Variants in TDRD10 observed in about 807,000 individuals in gnomAD.
The protein encoded by TDRD10 is tudor domain-containing protein 10.
A neutral mutation model predicts 48.0 loss-of-function variants in TDRD10; 40 were observed. The observed-to-expected ratio is 0.83, with a 90% CI of 0.65 to 1.09. TDRD10 has a LOEUF of 1.09. TDRD10 is among the 50% of genes least tolerant of loss of function. The pLI is 0.00. For missense variants in TDRD10, 378 were observed against 434.7 expected, an observed-to-expected ratio of 0.87 and a Z score of 1.16; for synonymous variants, 162 against 170.4, an observed-to-expected ratio of 0.95 and a Z score of 0.38.
chr1:154,541,714 G>A (rs931906715), intron 6 of TDRD10, among the ~76,000 whole-genome samples: 1 of 152,180 alleles, frequency 6.6e-6, no homozygotes, highest in African/African-American at 2.4e-5. Context: ...CGTTCTGGTG[G>A]TGCTTTCTGC....
At chr1:154,535,291 T>C (rs112585956) in intron 6 of TDRD10, among the ~76,000 whole-genome samples, 29,429 of 150,892 alleles carry the variant, frequency 0.2, 3,080 homozygotes, top group South Asian at 0.23. Flanking sequence ...CCCTGGAACC[T>C]GGGAGGCAGA....
chr1:154,518,576 C>T (rs541237582), intron 4 of TDRD10, among the ~76,000 whole-genome samples: 212 of 152,164 alleles, frequency 1.4e-3, no homozygotes, highest in African/African-American at 4.7e-3. Context: ...TGCAGGTGCC[C>T]GCCACCACGC....
chr1:154,506,784 G>A, intron 1 of TDRD10, 93 bp from the exon 2 acceptor site: 1 of 1,089,858 alleles, frequency 9.2e-7, no homozygotes, highest in African/African-American at 1.5e-5. Flanking sequence ...TGGTTGGGGA[G>A]GCATTATTCT....
intron 10 of TDRD10, 37 bp downstream of exon 10, chr1:154,544,554 G>A: frequency 1.5e-5 from 24 of 1,596,180 alleles, no homozygotes; most frequent in Non-Finnish European, 2.1e-5. Context: ...TATGGGAGAG[G>A]CGTGCAGGGA....
intron 8 of TDRD10, 52 bp downstream of exon 8, chr1:154,542,873 T>A: frequency 6.7e-7 from 1 of 1,481,928 alleles, no homozygotes; most frequent in Non-Finnish European, 9.4e-7. Context: ...ACAGACATCC[T>A]CTGTCCCCCA....
chr1:154,507,280 GT>G lies in TDRD10; in HGVS notation c.45del (p.Phe15LeufsTer40). On this transcript the variant is annotated frameshift_variant, in exon 3 of 13. Transcript: ENST00000368482. LOFTEE classifies it high-confidence loss of function. ...GTCACCCCCAACTCTCTGATAAACTGTTTGGGAAGAATGGAGTGTTGGAGGA... is the reference window on the plus strand; with the variant it reads ...GTCACCCCCAACTCTCTGATAAACTGTTGGGAAGAATGGAGTGTTGGAGGA... The part of the protein sequence containing the change: ...ISHPQLSDKL[F>X]GKNGVLEEQK... The G allele has an allele frequency of 6.2e-7, 1 of 1,614,134 alleles. No homozygotes were observed. The highest frequency in any genetic ancestry group is 8.5e-7 in the Non-Finnish European group (1 of 1,180,018).
intron 6 of TDRD10, among the ~76,000 whole-genome samples, chr1:154,526,665 G>A (rs1694333855): frequency 6.6e-6 from 1 of 152,006 alleles, no homozygotes; most frequent in Admixed American, 6.6e-5. Context: ...ATGTCGGCCA[G>A]GCTGATCTCA....
At chr1:154,530,986 C>T (rs1005490945) in intron 6 of TDRD10, among the ~76,000 whole-genome samples, 7 of 151,652 alleles carry the variant, frequency 4.6e-5, no homozygotes, top group African/African-American at 1.7e-4. Flanking sequence ...TTACAGGGAC[C>T]TGCCACCACG....
intron 6 of TDRD10, among the ~76,000 whole-genome samples, chr1:154,524,071 T>G (rs1019812887): frequency 1.3e-5 from 2 of 152,224 alleles, no homozygotes; most frequent in Non-Finnish European, 2.9e-5. Context: ...ATAAAATCAT[T>G]TTCTGCTAAT....
chr1:154,529,414 A>T (rs982946195), intron 6 of TDRD10, among the ~76,000 whole-genome samples: 1 of 152,154 alleles, frequency 6.6e-6, no homozygotes, highest in African/African-American at 2.4e-5. Context: ...ATAACATCGA[A>T]AACTCAAGAG....
At chr1:154,506,645 G>A (rs1236750125) in intron 1 of TDRD10, among the ~76,000 whole-genome samples, 1 of 152,196 alleles carries the variant, frequency 6.6e-6, no homozygotes, top group African/African-American at 2.4e-5. Context: ...CAAAGTGTTG[G>A]GGTTACAGGC....
At chr1:154,516,231 G>T (rs535888201) in intron 4 of TDRD10, among the ~76,000 whole-genome samples, 4 of 152,310 alleles carry the variant, frequency 2.6e-5, no homozygotes, top group African/African-American at 9.6e-5. Context: ...GGTAGCAGGA[G>T]GGGTGTATGG....
intron 8 of TDRD10, 33 bp from the exon 9 acceptor site, chr1:154,543,930 T>G: frequency 6.2e-7 from 1 of 1,611,702 alleles, no homozygotes; most frequent in Non-Finnish European, 8.5e-7. Flanking sequence ...GGTCCAGTCG[T>G]TCCTTTCCTT....
chr1:154,535,942 C>G (rs954018676), intron 6 of TDRD10, among the ~76,000 whole-genome samples: 1 of 152,038 alleles, frequency 6.6e-6, no homozygotes, highest in Admixed American at 6.6e-5. Flanking sequence ...GAGACTCCAG[C>G]GGTGACGTTG....
intron 4 of TDRD10, among the ~76,000 whole-genome samples, chr1:154,517,175 A>G (rs1484141258): frequency 6.6e-6 from 1 of 152,128 alleles, no homozygotes; most frequent in Non-Finnish European, 1.5e-5. Context: ...GGGAATGACC[A>G]TGTCTGGGGT....
chr1:154,522,845 C>A (rs1694125874), intron 6 of TDRD10, among the ~76,000 whole-genome samples: 1 of 152,166 alleles, frequency 6.6e-6, no homozygotes, highest in Non-Finnish European at 1.5e-5. Context: ...ATCTTTCTGT[C>A]TTATTATCAT....
chr1:154,508,377 T>G, intron 3 of TDRD10, 46 bp from the exon 4 acceptor site: 1 of 1,324,882 alleles, frequency 7.5e-7, no homozygotes, highest in Non-Finnish European at 1.1e-6. Flanking sequence ...CTCTGAATCC[T>G]CTAACCGTAT....
intron 4 of TDRD10, among the ~76,000 whole-genome samples, chr1:154,515,443 C>A (rs1012886296): frequency 6.6e-6 from 1 of 152,234 alleles, no homozygotes; most frequent in Admixed American, 6.5e-5. Context: ...AGAGCAGAAT[C>A]CCTTGCGGCC....
In TDRD10 at chr1:154,544,472, G is replaced by C. The variant is rs772668703; in HGVS notation, c.752G>C (p.Cys251Ser). ...EGSTVMRGTR[C>S]LAEYHLGDYG... Reference sequence around the variant, plus strand: ...TCCACCGTTATGCGCGGGACTCGCTGTCTGGCAGAGTACCACCTGGGGGAT... The same window carrying C: ...TCCACCGTTATGCGCGGGACTCGCTCTCTGGCAGAGTACCACCTGGGGGAT... Residue 251 changes from cysteine (C) to serine (S), a missense_variant, in exon 10 of 13, where the codon TGT becomes TCT. Transcript: ENST00000368482. 7.4e-6 allele frequency: 12 copies of C among 1,613,568 alleles called. No homozygotes were observed. Among genetic ancestry groups the C allele is most frequent in the African/African-American group, 6.7e-5 (5 of 74,934 alleles).
Sources: allele counts gnomAD v4.1 joint callset (sites outside exome capture counted in the v4.1 genomes callset), GRCh38; gene constraint gnomAD v4.1.1; transcripts MANE v1.5; gene names NCBI Gene and HGNC (gene_info 2026-07-23, HGNC 2026-07-21).